Variants in TRAPPC11 observed in about 807,000 individuals in gnomAD.
TRAPPC11 encodes trafficking protein particle complex subunit 11.
In TRAPPC11, 104 loss-of-function variants were observed where a neutral mutation model predicts 151.2. The ratio of observed to expected loss-of-function variants is 0.69; its 90% confidence interval spans 0.59 to 0.81. The LOEUF is 0.81. TRAPPC11 is among the 30% of genes least tolerant of loss of function. The pLI is 0.00. For missense variants in TRAPPC11, 1,230 were observed against 1,349.6 expected (o/e 0.91, Z 1.39); for synonymous variants, 456 against 472.3 (o/e 0.97, Z 0.45).
intron 23 of TRAPPC11, among the ~76,000 whole-genome samples, chr4:183,695,073 C>T (rs1476942216): frequency 3.3e-5 from 5 of 151,736 alleles, no homozygotes; most frequent in African/African-American, 1.2e-4. Context: ...CTCAGCCTCC[C>T]GAGTAGCTGG....
Position 183,666,196 on chromosome 4 carries a change from T to C in TRAPPC11, c.205-61T>C. On this transcript the variant is annotated intron_variant, in intron 2 of 29. Transcript: ENST00000334690. ...TCAATGCACATAAAGTGCTTGGCAC[T>C]CAGTAACAGGTGGTTTCTGCTCCTG... The C allele has an allele frequency of 4.6e-6, 7 of 1,524,358 alleles. No homozygotes were observed. The South Asian group carries it at 8.7e-5, about 19-fold the overall frequency. The allele number at this position is 1,524,358 out of a possible 1,614,324, so 94.4% of individuals were successfully genotyped here. A position where few individuals can be genotyped will look rare whatever the true frequency, so the allele number is the denominator to read the frequency against.
chr4:183,713,462 GA>G lies in TRAPPC11; in HGVS notation c.*822del, dbSNP rs1737421171. 2 of 152,628 alleles carry G rather than the reference GA, an allele frequency of 1.3e-5. No individual in the cohort carries two copies. Among genetic ancestry groups the G allele is most frequent in the Admixed American group, 6.5e-5 (1 of 15,284 alleles). 9.5% of individuals were successfully genotyped at this position (152,628 alleles called of 1,614,324 possible). On this transcript the variant is annotated 3_prime_UTR_variant, in exon 30 of 30. Transcript: ENST00000334690. ...CTCATGTAAATAAAAATCATAGGGT[GA>G]AAATTGTATTTGTTAAAATACCTTA...
chr4:183,692,979 C>T lies in TRAPPC11; in HGVS notation c.2069C>T (p.Ala690Val). Reference sequence around the variant, plus strand: ...TTTTAGATTACTTCAGTGGATCTTGCTCTGGGCAATGAGACGGGAAGATGT... The same window carrying T: ...TTTTAGATTACTTCAGTGGATCTTGTTCTGGGCAATGAGACGGGAAGATGT... Reference protein sequence around the residue: ...KKIEITSVDLALGNETGRCVV... With the variant: ...KKIEITSVDLVLGNETGRCVV... The change falls in exon 20 of 30, where the codon GCT (alanine) becomes GTT (valine). Residue 690 changes from alanine to valine, a missense_variant. Physicochemically the swap from Ala to Val is moderately conservative, Grantham distance 64. Transcript: ENST00000334690. 1 of 1,611,056 alleles carries T rather than the reference C, an allele frequency of 6.2e-7. No homozygotes were observed. Among genetic ancestry groups the T allele is most frequent in the South Asian group, 1.1e-5 (1 of 90,590 alleles).
At position 183,680,005 on chromosome 4, in the gene TRAPPC11, CA is replaced by C. The variant is rs1363666241; in HGVS notation, c.966-113del. ...ATTAGAACAAATATTAACTGTTCATCAATAGCACCATTTTAACACAGTCTGC... is the reference window on the plus strand; with the variant it reads ...ATTAGAACAAATATTAACTGTTCATCATAGCACCATTTTAACACAGTCTGC... On this transcript the variant is annotated intron_variant, in intron 9 of 29. Transcript: ENST00000334690. The C allele has an allele frequency of 6.4e-6, 5 of 782,260 alleles. No individual in the cohort carries two copies. In the African/African-American group the frequency reaches 8.8e-5, roughly 14 times the overall value. 48.5% of individuals were successfully genotyped at this position (782,260 alleles called of 1,614,324 possible).
intron 11 of TRAPPC11, among the ~76,000 whole-genome samples, chr4:183,683,206 C>T (rs1579188061): frequency 6.6e-6 from 1 of 151,414 alleles, no homozygotes; most frequent in Non-Finnish European, 1.5e-5. Flanking sequence ...TTAAATGACA[C>T]ATGCCACTGT....
chr4:183,696,216 T>C (rs1004162607), intron 23 of TRAPPC11, among the ~76,000 whole-genome samples: 14 of 152,162 alleles, frequency 9.2e-5, no homozygotes, highest in Non-Finnish European at 2.9e-5. Flanking sequence ...CAGGGTCACG[T>C]CATTAGGTTC....
At chr4:183,665,185 C>T (rs1413083564) in intron 2 of TRAPPC11, among the ~76,000 whole-genome samples, 7 of 148,738 alleles carry the variant, frequency 4.7e-5, no homozygotes, top group African/African-American at 1.7e-4. Context: ...AGCTCCGCCT[C>T]CTGGGTTCGT....
intron 25 of TRAPPC11, among the ~76,000 whole-genome samples, chr4:183,700,340 CTGT>C (rs2111084802): frequency 6.6e-6 from 1 of 152,242 alleles, no homozygotes; most frequent in East Asian, 1.9e-4. Context: ...TTCCCTTTCA[CTGT>C]TGTTATCTGT....
intron 5 of TRAPPC11, among the ~76,000 whole-genome samples, chr4:183,668,760 T>A (rs1735006777): frequency 2.0e-5 from 3 of 152,254 alleles, no homozygotes; most frequent in Admixed American, 2.0e-4. Flanking sequence ...TCAAAAATCA[T>A]GTGGTCATTA....
At chr4:183,661,558 A>G (rs558034238) in intron 1 of TRAPPC11, among the ~76,000 whole-genome samples, 1 of 151,416 alleles carries the variant, frequency 6.6e-6, no homozygotes, top group African/African-American at 2.4e-5. Context: ...TTTTTAGTAG[A>G]GACGGGGTTT....
chr4:183,662,633 G>C (rs1234858321), intron 1 of TRAPPC11, among the ~76,000 whole-genome samples: 2 of 151,974 alleles, frequency 1.3e-5, no homozygotes, highest in Non-Finnish European at 2.9e-5. Flanking sequence ...CTACTATTTA[G>C]ATAATTACAT....
Position 183,693,954 on chromosome 4 carries a change from T to A in TRAPPC11, c.2424T>A (p.Thr808=), listed in dbSNP as rs1561053671. The stretch of plus-strand genomic sequence containing the variant: ...ATTTAACTCAGAAGACTCACGTGAC[T>A]CTTCATGGAACAGAACTGTGTGATG... ...DANLTQKTHV[T]LHGTELCDES... is the part of the protein sequence containing the mutation. The change falls in exon 22 of 30, where the codon ACT becomes ACA. Residue 808 remains threonine, a synonymous_variant. Transcript: ENST00000334690. 6.2e-7 allele frequency: 1 copy of A among 1,613,924 alleles called. No individual in the cohort carries two copies. The highest frequency in any genetic ancestry group is 8.5e-7 in the Non-Finnish European group (1 of 1,179,810).
At position 183,685,266 on chromosome 4, in the gene TRAPPC11, T is replaced by A; in HGVS notation, c.1630-5T>A. The A allele has an allele frequency of 6.2e-7, 1 of 1,613,362 alleles. No homozygotes were observed. Among genetic ancestry groups the A allele is most frequent in the Non-Finnish European group, 8.5e-7 (1 of 1,179,302 alleles). On this transcript the variant is annotated splice_polypyrimidine_tract_variant and splice_region_variant and intron_variant, in intron 16 of 29. Coordinates refer to ENST00000334690, the MANE Select transcript of TRAPPC11 (RefSeq NM_021942.6). Reference sequence around the variant, plus strand: ...TGAATGGATGTTAACTCTGTGTTGATGCAGAATGAAAGTCCTGATCCAGAA... The same window carrying A: ...TGAATGGATGTTAACTCTGTGTTGAAGCAGAATGAAAGTCCTGATCCAGAA...
intron 10 of TRAPPC11, among the ~76,000 whole-genome samples, chr4:183,682,281 A>C (rs1735737777): frequency 6.6e-6 from 1 of 152,196 alleles, no homozygotes; most frequent in East Asian, 1.9e-4. Context: ...AAGCACTGTA[A>C]ATCTGTCAGT....
At chr4:183,707,248 GTGTT>G (rs1737119038) in intron 28 of TRAPPC11, among the ~76,000 whole-genome samples, 1 of 116,928 alleles carries the variant, frequency 8.6e-6, no homozygotes, top group Non-Finnish European at 1.8e-5. Flanking sequence ...ATGAGTGTGT[GTGTT>G]TATGTGTGTG....
At chr4:183,665,870 A>G (rs1734850803) in intron 2 of TRAPPC11, among the ~76,000 whole-genome samples, 2 of 152,186 alleles carry the variant, frequency 1.3e-5, no homozygotes, top group African/African-American at 4.8e-5. Flanking sequence ...GAGCAGTTTT[A>G]CAAGAACAGA....
intron 5 of TRAPPC11, among the ~76,000 whole-genome samples, chr4:183,669,148 A>G (rs1735025682): frequency 6.6e-6 from 1 of 152,264 alleles, no homozygotes; most frequent in South Asian, 2.1e-4. Flanking sequence ...AGCAAAATAA[A>G]TCTTTACACT....
At chr4:183,660,391 A>G (rs1734414890) in intron 1 of TRAPPC11, among the ~76,000 whole-genome samples, 3 of 152,246 alleles carry the variant, frequency 2.0e-5, no homozygotes, top group Admixed American at 2.0e-4. Flanking sequence ...TCAGTACAAA[A>G]AAAGGTAAAA....
intron 26 of TRAPPC11, 59 bp from the exon 27 acceptor site, chr4:183,704,916 CTTCT>C: frequency 9.2e-7 from 1 of 1,092,386 alleles, no homozygotes; most frequent in Non-Finnish European, 1.3e-6. Context: ...TTTTGATGAA[CTTCT>C]TTCATAGTTT....
Sources: gnomAD v4.1 joint callset for allele counts (sites outside exome capture counted in the v4.1 genomes callset) on GRCh38, gnomAD v4.1.1 for gene constraint, MANE v1.5 for transcripts, NCBI Gene and HGNC (gene_info 2026-07-23, HGNC 2026-07-21) for gene names.